The following UBE2W variants were observed in gnomAD, a reference collection of about 807,000 sequenced individuals.
UBE2W encodes ubiquitin-conjugating enzyme E2 W.
A neutral mutation model predicts 27.2 loss-of-function variants in UBE2W; 18 were observed. The ratio of observed to expected loss-of-function variants is 0.66; its 90% CI spans 0.46 to 0.98. The LOEUF (loss-of-function observed/expected upper bound fraction) is 0.98. Ranked by LOEUF, UBE2W falls within the 50% of genes least tolerant of loss-of-function variation. UBE2W has a pLI of 0.00. For missense variants in UBE2W, 90 were observed against 180.2 expected (o/e 0.50, Z 2.87); for synonymous variants, 53 against 57.2 (o/e 0.93, Z 0.33).
chr8:73,807,256 T>C (rs1194026540), intron 4 of UBE2W, among the ~76,000 whole-genome samples: 1 of 152,244 alleles, frequency 6.6e-6, no homozygotes, highest in East Asian at 1.9e-4. Context: ...TTAAATCTGC[T>C]TAGCTAAGCT....
rs1808134437 is a variant in UBE2W, at chr8:73,790,198, GAATA to G, written c.*3900_*3903del. 7 of 984,708 alleles carry G rather than the reference GAATA, an allele frequency of 7.1e-6. No homozygotes were observed. The South Asian group carries it at 2.8e-4, about 40-fold the overall frequency. 61.0% of individuals were successfully genotyped at this position (984,708 alleles called of 1,614,324 possible). A position where few individuals can be genotyped will look rare whatever the true frequency, so the allele number is the denominator to read the frequency against. The stretch of plus-strand genomic sequence containing the variant: ...CCTAACCTCAGAAAAAAAAAAGAGA[GAATA>G]AATTAGAAGTGAGAAAAGGAAACTG... On this transcript the variant is annotated 3_prime_UTR_variant, in exon 6 of 6. Coordinates refer to ENST00000602593, the MANE Select transcript of UBE2W (RefSeq NM_018299.6).
intron 1 of UBE2W, among the ~76,000 whole-genome samples, chr8:73,869,113 T>C (rs1407831591): frequency 6.6e-6 from 1 of 152,200 alleles, no homozygotes; most frequent in African/African-American, 2.4e-5. Context: ...TCATACAAGC[T>C]ACAACATGGA....
rs530441268 is a variant in UBE2W, at chr8:73,859,422, C to T, written c.15+19386G>A. Among the ~76,000 whole-genome samples, 705 of 152,346 alleles carry T rather than the reference C, an allele frequency of 4.6e-3. 6 individuals carry two copies. Among genetic ancestry groups the T allele is most frequent in the African/African-American group, 0.016 (677 of 41,590 alleles). ...TGGGGAGGCTGAAGCAGGAGAATCA[C>T]TTGAACCCAGGAGGTGGAGGCTGCA... On this transcript the variant is annotated intron_variant, in intron 1 of 5. Transcript: ENST00000602593.
At chr8:73,782,214 T>C (rs779045477), downstream of UBE2W, among the ~76,000 whole-genome samples, 2 of 152,100 alleles carry the variant, frequency 1.3e-5, no homozygotes, top group Non-Finnish European at 2.9e-5. Flanking sequence ...CCCAAAGTAC[T>C]GGGATTACAG....
rs1808204145 is a variant in UBE2W at position 73,791,618 on chromosome 8, T to A, written c.*2484A>T. On this transcript the variant is annotated 3_prime_UTR_variant, in exon 6 of 6. Transcript: ENST00000602593. ...GCTCTCTGTAGAGCAATGACTCAGA[T>A]AAATGCCTTATGACTTTTAATAATG... 2 of 985,030 alleles carry A rather than the reference T, an allele frequency of 2.0e-6. No homozygotes were observed. The highest frequency in any genetic ancestry group is 2.4e-6 in the Non-Finnish European group (2 of 829,678). The allele number at this position is 985,030 out of a possible 1,614,324, so 61.0% of individuals were successfully genotyped here.
chr8:73,851,586 G>T (rs1413178759), intron 1 of UBE2W, among the ~76,000 whole-genome samples: 2 of 152,098 alleles, frequency 1.3e-5, no homozygotes, highest in Non-Finnish European at 2.9e-5. Flanking sequence ...CATATGTAAA[G>T]TATTTTTAAA....
intron 1 of UBE2W, among the ~76,000 whole-genome samples, chr8:73,850,793 C>T (rs918633061): frequency 3.4e-5 from 5 of 146,214 alleles, no homozygotes; most frequent in Non-Finnish European, 7.4e-5. Flanking sequence ...AACTTTTATT[C>T]CTTAAGCAAT....
At chr8:73,807,529 A>T (rs1374700240) in intron 4 of UBE2W, among the ~76,000 whole-genome samples, 1 of 152,224 alleles carries the variant, frequency 6.6e-6, no homozygotes, top group Non-Finnish European at 1.5e-5. Flanking sequence ...AGAGCATAAG[A>T]CAGTCAAGAC....
chr8:73,823,569 C>T (rs1464070114), intron 3 of UBE2W, among the ~76,000 whole-genome samples: 1 of 152,166 alleles, frequency 6.6e-6, no homozygotes, highest in Non-Finnish European at 1.5e-5. Flanking sequence ...CATTTACAGT[C>T]AGAAATGATG....
At chr8:73,823,205 A>C (rs1384440187) in intron 3 of UBE2W, among the ~76,000 whole-genome samples, 3 of 152,210 alleles carry the variant, frequency 2.0e-5, no homozygotes, top group African/African-American at 7.2e-5. Flanking sequence ...AGGAGGATAA[A>C]ATGAATTTGA....
rs10652083 is a variant in UBE2W at position 73,789,307 on chromosome 8, T to TA, written c.*4794dup. ...GCAACATGGTGAGACCTCGTGTCTT[T>TA]AAAAAAAAAAAAAAAAAAAAAAAAA... On this transcript the variant is annotated 3_prime_UTR_variant, in exon 6 of 6. Coordinates refer to ENST00000602593, the MANE Select transcript of UBE2W (RefSeq NM_018299.6). 1,956 of 39,982 alleles carry TA rather than the reference T, an allele frequency of 0.049. 229 individuals carry two copies. Among genetic ancestry groups the TA allele is most frequent in the Non-Finnish European group, 0.051 (1,108 of 21,710 alleles). 2.5% of individuals were successfully genotyped at this position (39,982 alleles called of 1,614,324 possible). A position where few individuals can be genotyped will look rare whatever the true frequency, so the allele number is the denominator to read the frequency against.
Position 73,786,627 on chromosome 8 carries a change from C to T in UBE2W, c.*7475G>A. The stretch of plus-strand genomic sequence containing the variant: ...TCATGAACATTCTAGGAGGGAAGAA[C>T]ATTAGCAGACGGCAGTGGAAGCTTG... On this transcript the variant is annotated 3_prime_UTR_variant, in exon 6 of 6. Transcript: ENST00000602593. The T allele has an allele frequency of 2.0e-6, 2 of 985,430 alleles. No individual in the cohort carries two copies. Among genetic ancestry groups the T allele is most frequent in the Non-Finnish European group, 2.4e-6 (2 of 829,958 alleles). The allele number at this position is 985,430 out of a possible 1,614,324, so 61.0% of individuals were successfully genotyped here.
intron 1 of UBE2W, among the ~76,000 whole-genome samples, chr8:73,846,470 A>T (rs1174449648): frequency 6.6e-6 from 1 of 152,152 alleles, no homozygotes; most frequent in African/African-American, 2.4e-5. Context: ...ATTTAAAAAA[A>T]TTTTTTATAA....
intron 3 of UBE2W, among the ~76,000 whole-genome samples, chr8:73,823,634 T>C (rs1809712559): frequency 1.3e-5 from 2 of 152,318 alleles, no homozygotes; most frequent in African/African-American, 2.4e-5. Flanking sequence ...AGAAGATGTT[T>C]GTTCTTTTTA....
Position 73,810,699 on chromosome 8 carries a change from T to A in UBE2W, c.211-70A>T, listed in dbSNP as rs533153606. ...ACCAAAAACTAAAATATTCTCCACA[T>A]ATAACAAATATTGATTATAAAAAAA... On this transcript the variant is annotated intron_variant, in intron 3 of 5. Coordinates refer to ENST00000602593, the MANE Select transcript of UBE2W (RefSeq NM_018299.6). 5.7e-6 allele frequency: 7 copies of A among 1,235,524 alleles called. No homozygotes were observed. The East Asian group carries it at 1.7e-4, about 30-fold the overall frequency. 76.5% of individuals were successfully genotyped at this position (1,235,524 alleles called of 1,614,324 possible). A position where few individuals can be genotyped will look rare whatever the true frequency, so the allele number is the denominator to read the frequency against.
chr8:73,867,524 ACT>A (rs1390350072), intron 1 of UBE2W, among the ~76,000 whole-genome samples: 3 of 151,798 alleles, frequency 2.0e-5, no homozygotes, highest in African/African-American at 4.8e-5. Flanking sequence ...ACAGGGCGAG[ACT>A]CTGTCTCAAA....
intron 1 of UBE2W, among the ~76,000 whole-genome samples, chr8:73,875,028 G>C (rs1315328426): frequency 1.3e-5 from 2 of 152,168 alleles, no homozygotes; most frequent in Non-Finnish European, 2.9e-5. Context: ...GACACAGTGA[G>C]ACCCTGTCTC....
At chr8:73,859,858 CT>C (rs1174982265) in intron 1 of UBE2W, among the ~76,000 whole-genome samples, 1 of 152,092 alleles carries the variant, frequency 6.6e-6, no homozygotes, top group African/African-American at 2.4e-5. Context: ...TCTGCAACAT[CT>C]AAAAGAACCA....
At chr8:73,828,865 A>C (rs541459562) in intron 2 of UBE2W, among the ~76,000 whole-genome samples, 17 of 152,238 alleles carry the variant, frequency 1.1e-4, no homozygotes, top group African/African-American at 3.9e-4. Flanking sequence ...GATCTTCTTC[A>C]TTCTATTTTT....
Sources: allele counts gnomAD v4.1 joint callset (sites outside exome capture counted in the v4.1 genomes callset), GRCh38; gene constraint gnomAD v4.1.1; transcripts MANE v1.5; gene names NCBI Gene and HGNC (gene_info 2026-07-23, HGNC 2026-07-21).